Variants in DDX23 observed in about 807,000 individuals in gnomAD.
The protein encoded by DDX23 is DEAD-box helicase 23.
In DDX23, 33 loss-of-function variants were observed where a neutral mutation model predicts 102.7. The ratio of observed to expected loss-of-function variants is 0.32; its 90% CI spans 0.24 to 0.43. The LOEUF is 0.43. Ranked by LOEUF, DDX23 falls within the 20% of genes least tolerant of loss-of-function variation. The pLI is 1.00. For synonymous variants in DDX23, 352 were observed against 376.0 expected (o/e 0.94, Z 0.74); for missense variants, 549 against 1,086.6 (o/e 0.51, Z 6.96).
intron 1 of DDX23, among the ~76,000 whole-genome samples, chr12:48,851,133 G>A (rs898833240): frequency 1.1e-4 from 16 of 152,150 alleles, no homozygotes; most frequent in African/African-American, 2.9e-4. Flanking sequence ...TAGGTGCTAT[G>A]TGAGTTACAA....
At chr12:48,843,918 C>T (rs1292685668) in intron 3 of DDX23, 22 bp downstream of exon 3, 1 of 1,606,340 alleles carries the variant, frequency 6.2e-7, no homozygotes, top group Non-Finnish European at 8.5e-7. Context: ...CCCCTAAAGC[C>T]CCCTCTCATT....
Position 48,830,480 on chromosome 12 carries a change from T to C in DDX23, c.2452A>G (p.Ile818Val), listed in dbSNP as rs1325293906. Residue 818 changes from isoleucine (I) to valine (V), a missense_variant, in exon 17 of 17, where the codon ATC (isoleucine) becomes GTC (valine). Ile to Val is a conservative substitution (Grantham distance 29, BLOSUM62 3). Coordinates refer to ENST00000308025, the MANE Select transcript of DDX23 (RefSeq NM_004818.3). The surrounding 1 kb of genome is among the most constrained non-coding windows in gnomAD (Gnocchi z 4.9). Reference sequence around the variant, plus strand: ...GGAAGAGTGCTGTGTCAGGCAAAGATGGTCTCTTCCCGGCGCTTCTTGGTG... The same window carrying C: ...GGAAGAGTGCTGTGTCAGGCAAAGACGGTCTCTTCCCGGCGCTTCTTGGTG... The part of the protein sequence containing the change: ...ILTKKRREET[I>V]FA 1 of 1,613,818 alleles carries C rather than the reference T, an allele frequency of 6.2e-7. No individual in the cohort carries two copies. The highest frequency in any genetic ancestry group is 8.5e-7 in the Non-Finnish European group (1 of 1,179,972).
intron 1 of DDX23, among the ~76,000 whole-genome samples, chr12:48,851,859 C>T (rs1313417476): frequency 6.6e-6 from 1 of 152,220 alleles, no homozygotes; most frequent in Non-Finnish European, 1.5e-5. Flanking sequence ...AGGCAGAGTC[C>T]TGGGAGGAAA....
In DDX23 at chr12:48,831,242, C is replaced by G. The variant is rs1938381866; in HGVS notation, c.2139G>C (p.Gly713=). The change falls in exon 16 of 17, where the codon GGG becomes GGC. Residue 713 remains glycine, a synonymous_variant. Transcript: ENST00000308025. The part of the protein sequence containing the change: ...REFALSNLKA[G]AKDILVATDV... ...CTGTAGCCACCAAAATATCCTTGGC[C>G]CCAGCCTTGAGGTTGGACAACGCAA... 1 of 1,614,220 alleles carries G rather than the reference C, an allele frequency of 6.2e-7. No individual in the cohort carries two copies. Among genetic ancestry groups the G allele is most frequent in the East Asian group, 2.2e-5 (1 of 44,892 alleles).
In DDX23 at chr12:48,833,286, C is replaced by T; in HGVS notation, c.1794G>A (p.Lys598=). 1 of 1,614,202 alleles carries T rather than the reference C, an allele frequency of 6.2e-7. No individual in the cohort carries two copies. The highest frequency in any genetic ancestry group is 1.1e-5 in the South Asian group (1 of 91,076). Residue 598 remains lysine, a synonymous_variant, in exon 13 of 17, where the codon AAG becomes AAA. Coordinates refer to ENST00000308025, the MANE Select transcript of DDX23 (RefSeq NM_004818.3). ...MLANFESGKH[K]YRQTVMFTAT... The stretch of plus-strand genomic sequence containing the variant: ...AGGGAAGCAGCCTTACTTGGCGGTA[C>T]TTATGTTTTCCCGACTCAAAGTTGG...
rs1356903649 is a variant in DDX23, at chr12:48,832,390, C to T, written c.1955+32G>A. The T allele has an allele frequency of 6.2e-7, 1 of 1,604,972 alleles. No individual in the cohort carries two copies. ...GTTCTCAGAGCCATTTTATTCTCCA[C>T]CCTGTTTCCCCTGGCTCAGCTGCCC... On this transcript the variant is annotated intron_variant, in intron 14 of 16. Coordinates refer to ENST00000308025, the MANE Select transcript of DDX23 (RefSeq NM_004818.3). The surrounding 1 kb of genome is among the most constrained non-coding windows in gnomAD (Gnocchi z 4.4).
intron 1 of DDX23, among the ~76,000 whole-genome samples, chr12:48,846,170 G>C (rs577054872): frequency 6.6e-6 from 1 of 152,154 alleles, no homozygotes; most frequent in East Asian, 1.9e-4. Flanking sequence ...TCACTATGCT[G>C]CCCAGGCTGG....
At position 48,836,485 on chromosome 12, in the gene DDX23, CAAAT is replaced by C; in HGVS notation, c.1236+80_1236+83del. 1 of 1,429,460 alleles carries C rather than the reference CAAAT, an allele frequency of 7.0e-7. No homozygotes were observed. The highest frequency in any genetic ancestry group is 9.7e-7 in the Non-Finnish European group (1 of 1,029,644). 88.5% of individuals were successfully genotyped at this position (1,429,460 alleles called of 1,614,324 possible). On this transcript the variant is annotated intron_variant, in intron 10 of 16. Coordinates refer to ENST00000308025, the MANE Select transcript of DDX23 (RefSeq NM_004818.3). The surrounding 1 kb of genome is among the most constrained non-coding windows in gnomAD (Gnocchi z 6.1). ...TGGTGCCCACTAGCAGCGATGGCTC[CAAAT>C]AGTCAAGGAACAAAGTTCTCTATTC...
Position 48,832,177 on chromosome 12 carries a change from C to G in DDX23, c.1965G>C (p.Leu655=). Reference sequence around the variant, plus strand: ...CAAAGCCTTGCTCCAAGATTGCCAGCAGCTTTTTCCTGGAAGGAAGAGGAG... The same window carrying G: ...CAAAGCCTTGCTCCAAGATTGCCAGGAGCTTTTTCCTGGAAGGAAGAGGAG... ...LMSESEKRKK[L]LAILEQGFDP... is the part of the protein sequence containing the mutation. The change falls in exon 15 of 17, where the codon CTG becomes CTC. Residue 655 remains leucine (L), a synonymous_variant. Transcript: ENST00000308025. This position sits in a 1 kb window ranked among gnomAD's most constrained non-coding sequence, Gnocchi z 4.4. 4 of 1,613,998 alleles carry G rather than the reference C, an allele frequency of 2.5e-6. No individual in the cohort carries two copies. The highest frequency in any genetic ancestry group is 3.4e-6 in the Non-Finnish European group (4 of 1,179,988).
chr12:48,834,826 C>T (rs34574775), intron 11 of DDX23: 2,792 of 209,260 alleles, frequency 0.013, 38 homozygotes, highest in Non-Finnish European at 0.02. Flanking sequence ...ACCAGCTACT[C>T]GGGAGGCTGA....
At chr12:48,851,251 T>C (rs1004353435) in intron 1 of DDX23, among the ~76,000 whole-genome samples, 19 of 152,072 alleles carry the variant, frequency 1.2e-4, no homozygotes, top group Non-Finnish European at 2.1e-4. Context: ...ACAGGTGGAT[T>C]GCCTGAGCTC....
rs149482662 is a variant in DDX23, at chr12:48,847,559, G to A, written c.1-1777C>T. Among the ~76,000 whole-genome samples the A allele has an allele frequency of 2.6e-3, 389 of 152,114 alleles. 5 individuals are homozygous for A. The highest frequency in any genetic ancestry group is 8.8e-3 in the African/African-American group (365 of 41,490). On this transcript the variant is annotated intron_variant, in intron 1 of 16. Coordinates refer to ENST00000308025, the MANE Select transcript of DDX23 (RefSeq NM_004818.3). ...AATACCTATGTCTTGACTGGGTGTG[G>A]TGGCTCATGCCTGTAATCTCAGCAC...
intron 3 of DDX23, among the ~76,000 whole-genome samples, chr12:48,842,333 C>T (rs1592203239): frequency 2.8e-5 from 4 of 144,556 alleles, no homozygotes; most frequent in African/African-American, 1.0e-4. Context: ...CGCCTCTGCC[C>T]GGCCGCCCCT....
At chr12:48,842,227 G>A in intron 3 of DDX23, among the ~76,000 whole-genome samples, 1 of 151,064 alleles carries the variant, frequency 6.6e-6, no homozygotes, top group African/African-American at 2.4e-5. Context: ...GGGAGGTGGG[G>A]GGGTCATCCC....
chr12:48,834,494 G>A lies in DDX23; in HGVS notation c.1386C>T (p.Ile462=), dbSNP rs143841455. ...CATAAGGGCCTTGGTCTGACTCTTCGATCCTGTGGTAAACAGGGTGCCCCA... is the reference window on the plus strand; with the variant it reads ...CATAAGGGCCTTGGTCTGACTCTTCAATCCTGTGGTAAACAGGGTGCCCCA... ...WITTLPKIDR[I]EESDQGPYAI... Residue 462 remains isoleucine, a synonymous_variant, in exon 12 of 17, where the codon ATC becomes ATT. Coordinates refer to ENST00000308025, the MANE Select transcript of DDX23 (RefSeq NM_004818.3). The A allele has an allele frequency of 1.2e-4, 201 of 1,612,746 alleles. 2 individuals are homozygous for A. The highest frequency in any genetic ancestry group is 6.7e-5 in the Admixed American group (4 of 59,710).
In DDX23 at chr12:48,830,305, A is replaced by G. The variant is rs756619915; in HGVS notation, c.*164T>C. On this transcript the variant is annotated 3_prime_UTR_variant, in exon 17 of 17. Coordinates refer to ENST00000308025, the MANE Select transcript of DDX23 (RefSeq NM_004818.3). This position sits in a 1 kb window ranked among gnomAD's most constrained non-coding sequence, Gnocchi z 4.9. ...CGTCGTCCTCTCCTTTTGCAGCCCC[A>G]CACGCAGGCCTCCTGACCTGAGGGT... 5.8e-6 allele frequency: 5 copies of G among 855,498 alleles called. No homozygotes were observed. The highest frequency in any genetic ancestry group is 5.7e-5 in the South Asian group (4 of 69,702). 53.0% of individuals were successfully genotyped at this position (855,498 alleles called of 1,614,324 possible).
In DDX23 at chr12:48,844,793, G is replaced by A. The variant is rs540307141; in HGVS notation, c.210-743C>T. On this transcript the variant is annotated intron_variant, in intron 2 of 16. Transcript: ENST00000308025. ...GGCCCCCTCTCAACTTTTAAGAGTT[G>A]GGTCACTGAGGAAAACTGAAAACAC... Among the ~76,000 whole-genome samples, 5 of 151,426 alleles carry A rather than the reference G, an allele frequency of 3.3e-5. No homozygotes were observed. The South Asian group carries it at 1.0e-3, about 32-fold the overall frequency.
rs1489219926 is a variant in DDX23, at chr12:48,830,204, C to T, written c.*265G>A. The T allele has an allele frequency of 5.0e-6, 3 of 602,378 alleles. No homozygotes were observed. Among genetic ancestry groups the T allele is most frequent in the Non-Finnish European group, 9.3e-6 (3 of 321,196 alleles). 37.3% of individuals were successfully genotyped at this position (602,378 alleles called of 1,614,324 possible). ...CATAGCCTGGCATGAGCTGATGGCC[C>T]AGTGCAATCCCAAAGCAAAGAAGGG... On this transcript the variant is annotated 3_prime_UTR_variant, in exon 17 of 17. Coordinates refer to ENST00000308025, the MANE Select transcript of DDX23 (RefSeq NM_004818.3). This position sits in a 1 kb window ranked among gnomAD's most constrained non-coding sequence, Gnocchi z 4.9.
chr12:48,840,019 C>T lies in DDX23; in HGVS notation c.408G>A (p.Lys136=), dbSNP rs779096324. The change falls in exon 4 of 17, where the codon AAG becomes AAA. Residue 136 remains lysine, a synonymous_variant. Transcript: ENST00000308025. Reference sequence around the variant, plus strand: ...TATCCTTCCTCTCCTTTACCTTAGGCTTCTTATCACCATGTTCATCCTCTT... The same window carrying T: ...TATCCTTCCTCTCCTTTACCTTAGGTTTCTTATCACCATGTTCATCCTCTT... ...KDEEDEHGDK[K]PKAQPLSLEE... The T allele has an allele frequency of 2.5e-6, 4 of 1,613,886 alleles. No individual in the cohort carries two copies. The African/African-American group carries it at 4.0e-5, about 16-fold the overall frequency.
Sources: gnomAD v4.1 joint callset for allele counts (sites outside exome capture counted in the v4.1 genomes callset) on GRCh38, gnomAD v4.1.1 for gene constraint, Gnocchi (gnomAD v3.1) non-coding constraint, MANE v1.5 for transcripts, NCBI Gene and HGNC (gene_info 2026-07-23, HGNC 2026-07-21) for gene names.